PXDNL: variants seen among roughly 807,000 people sequenced by gnomAD.
PXDNL encodes probable oxidoreductase PXDNL.
A neutral mutation model predicts 150.8 loss-of-function variants in PXDNL; 145 were observed. The ratio of observed to expected loss-of-function variants is 0.96; its 90% CI spans 0.84 to 1.10. The LOEUF (loss-of-function observed/expected upper bound fraction) is 1.10. PXDNL is among the 50% of genes least tolerant of loss of function. PXDNL has a pLI of 0.00. For synonymous variants in PXDNL, 757 were observed against 725.7 expected, an observed-to-expected ratio of 1.04 and a Z score of -0.69; for missense variants, 2,087 against 1,873.9, an observed-to-expected ratio of 1.11 and a Z score of -2.10.
intron 1 of PXDNL, among the ~76,000 whole-genome samples, chr8:51,784,492 T>C (rs1454626799): frequency 6.6e-6 from 1 of 152,224 alleles, no homozygotes; most frequent in Non-Finnish European, 1.5e-5. Flanking sequence ...AGAGTAACCA[T>C]AGGGCCTTTA....
At chr8:51,676,885 T>G (rs1815636412) in intron 1 of PXDNL, among the ~76,000 whole-genome samples, 1 of 152,182 alleles carries the variant, frequency 6.6e-6, no homozygotes, top group South Asian at 2.1e-4. Context: ...AAAAATTTTT[T>G]CAGACAACCC....
intron 1 of PXDNL, among the ~76,000 whole-genome samples, chr8:51,736,602 A>C (rs767064072): frequency 6.6e-6 from 1 of 152,212 alleles, no homozygotes; most frequent in Non-Finnish European, 1.5e-5. Context: ...TAACAAAGGC[A>C]AAGGAAGCAT....
chr8:51,463,725 T>C (rs1810133885), intron 8 of PXDNL, among the ~76,000 whole-genome samples: 1 of 151,992 alleles, frequency 6.6e-6, no homozygotes, highest in African/African-American at 2.4e-5. Flanking sequence ...TCTCAATAAA[T>C]GCAAAAACAT....
In PXDNL at chr8:51,453,600, G is replaced by A. The variant is rs767426925; in HGVS notation, c.1168C>T (p.Gln390Ter). The change falls in exon 10 of 23, where the codon CAA becomes TAA. Residue 390 changes from glutamine (Q) to a stop codon, truncating the protein, a stop_gained. Coordinates refer to ENST00000356297, the MANE Select transcript of PXDNL (RefSeq NM_144651.5). LOFTEE classifies it high-confidence loss of function. ...SSGLYLQNIT[Q>*]RDHGRFTCHA... ...CAGGTAAATCGACCATGATCCCGTT[G>A]TGTGATGTTCTGTAAGTAAAGTCCA... 5 of 1,614,024 alleles carry A rather than the reference G, an allele frequency of 3.1e-6. No homozygotes were observed. The South Asian group carries it at 4.4e-5, about 14-fold the overall frequency.
intron 17 of PXDNL, among the ~76,000 whole-genome samples, chr8:51,404,959 A>G (rs1330411041): frequency 6.6e-6 from 1 of 152,156 alleles, no homozygotes; most frequent in Non-Finnish European, 1.5e-5. Flanking sequence ...TGCAGGTCCG[A>G]GTCCTGCCCC....
intron 5 of PXDNL, among the ~76,000 whole-genome samples, chr8:51,486,208 A>G (rs866554144): frequency 3.3e-5 from 5 of 152,342 alleles, no homozygotes; most frequent in African/African-American, 7.2e-5. Flanking sequence ...CTTAACAGGC[A>G]AAACAAATCA....
intron 3 of PXDNL, among the ~76,000 whole-genome samples, chr8:51,587,595 C>T (rs980357533): frequency 6.6e-5 from 10 of 152,068 alleles, no homozygotes; most frequent in Non-Finnish European, 1.3e-4. Context: ...AAATTAACCT[C>T]CTGAATATAC....
rs1563384450 is a variant in PXDNL, at chr8:51,382,484, T to C, written c.3558-7753A>G. On this transcript the variant is annotated intron_variant, in intron 17 of 22. Transcript: ENST00000356297. Reference sequence around the variant, plus strand: ...TTATGCTAAATTCACTCCTAATTTTTAAAACAGTTTGCCTGCCAAAAATGA... The same window carrying C: ...TTATGCTAAATTCACTCCTAATTTTCAAAACAGTTTGCCTGCCAAAAATGA... Among the ~76,000 whole-genome samples, 4 of 152,226 alleles carry C rather than the reference T, an allele frequency of 2.6e-5. No individual in the cohort carries two copies. In the South Asian group the frequency reaches 8.3e-4, roughly 31 times the overall value.
chr8:51,384,596 G>C (rs1268116872), intron 17 of PXDNL, among the ~76,000 whole-genome samples: 2 of 151,870 alleles, frequency 1.3e-5, no homozygotes, highest in Non-Finnish European at 2.9e-5. Context: ...TATATATAAA[G>C]CTCTATGTTA....
At chr8:51,801,839 T>C (rs750597771) in intron 1 of PXDNL, among the ~76,000 whole-genome samples, 1 of 152,188 alleles carries the variant, frequency 6.6e-6, no homozygotes, top group Non-Finnish European at 1.5e-5. Context: ...CTATCTTTCA[T>C]TGGGATATTA....
intron 1 of PXDNL, among the ~76,000 whole-genome samples, chr8:51,778,420 C>T (rs148335740): frequency 6.6e-5 from 10 of 152,282 alleles, no homozygotes; most frequent in East Asian, 5.8e-4. Context: ...GTCTCCCACA[C>T]GGCAGGCTAT....
intron 1 of PXDNL, among the ~76,000 whole-genome samples, chr8:51,673,192 T>C (rs1467423317): frequency 6.6e-6 from 1 of 152,176 alleles, no homozygotes; most frequent in African/African-American, 2.4e-5. Context: ...TATTTAATGA[T>C]GTGGGGAAAT....
chr8:51,706,346 T>C (rs1816377933), intron 1 of PXDNL, among the ~76,000 whole-genome samples: 1 of 151,922 alleles, frequency 6.6e-6, no homozygotes, highest in Non-Finnish European at 1.5e-5. Context: ...TTGGTAAGAC[T>C]CTTTACCTCC....
At chr8:51,413,120 G>A (rs758031960) in intron 15 of PXDNL, 30 bp downstream of exon 15, 11 of 1,283,758 alleles carry the variant, frequency 8.6e-6, no homozygotes, top group Non-Finnish European at 1.1e-5. Context: ...ATGAAAACAA[G>A]GTTTCAATCT....
intron 3 of PXDNL, among the ~76,000 whole-genome samples, chr8:51,564,245 G>A (rs192535815): frequency 1.3e-5 from 2 of 151,956 alleles, no homozygotes; most frequent in African/African-American, 2.4e-5. Context: ...AAAGTCTAAC[G>A]GGATTATGTC....
In PXDNL at chr8:51,414,216, T is replaced by C. The variant is rs145321019; in HGVS notation, c.1796-958A>G. Reference sequence around the variant, plus strand: ...CAATATAGTATGATAGATATATACATATTATATGTATATATCTATATATGT... The same window carrying C: ...CAATATAGTATGATAGATATATACACATTATATGTATATATCTATATATGT... On this transcript the variant is annotated intron_variant, in intron 14 of 22. Coordinates refer to ENST00000356297, the MANE Select transcript of PXDNL (RefSeq NM_144651.5). Among the ~76,000 whole-genome samples the C allele has an allele frequency of 3.3e-4, 50 of 151,838 alleles. No homozygotes were observed. The East Asian group carries it at 9.3e-3, about 28-fold the overall frequency.
At chr8:51,424,799 G>A (rs551540495) in intron 13 of PXDNL, among the ~76,000 whole-genome samples, 31 of 152,308 alleles carry the variant, frequency 2.0e-4, no homozygotes, top group African/African-American at 7.0e-4. Flanking sequence ...ATGGCCAATA[G>A]GCCAGAGTGT....
chr8:51,697,157 A>G (rs1168566880), intron 1 of PXDNL, among the ~76,000 whole-genome samples: 1 of 152,014 alleles, frequency 6.6e-6, no homozygotes, highest in African/African-American at 2.4e-5. Flanking sequence ...TACAAAACTT[A>G]GCCGAGCGTG....
chr8:51,455,878 T>C (rs1020162890), intron 9 of PXDNL, among the ~76,000 whole-genome samples: 1 of 152,166 alleles, frequency 6.6e-6, no homozygotes, highest in African/African-American at 2.4e-5. Context: ...GGTGACAGAG[T>C]GAGACCTTGT....
Sources: allele counts gnomAD v4.1 joint callset (sites outside exome capture counted in the v4.1 genomes callset), GRCh38; gene constraint gnomAD v4.1.1; transcripts MANE v1.5; gene names NCBI Gene and HGNC (gene_info 2026-07-23, HGNC 2026-07-21).